EPS15L1: variants seen among roughly 807,000 people sequenced by gnomAD.
EPS15L1 encodes epidermal growth factor receptor pathway substrate 15 like 1.
Under a neutral mutation model 117.1 loss-of-function variants are expected in EPS15L1, and 43 were observed. The observed-to-expected ratio is 0.37, with a 90% confidence interval of 0.29 to 0.47. EPS15L1 has a LOEUF of 0.47. EPS15L1 is among the 20% of genes least tolerant of loss of function. The pLI, the probability that EPS15L1 is intolerant of heterozygous loss-of-function variation, is 0.99. For synonymous variants in EPS15L1, 459 were observed against 470.5 expected, an observed-to-expected ratio of 0.98 and a Z score of 0.32; for missense variants, 981 against 1,164.0, an observed-to-expected ratio of 0.84 and a Z score of 2.29.
At position 16,436,719 on chromosome 19, in the gene EPS15L1, G is replaced by A. The variant is rs16981270; in HGVS notation, c.372+218C>T. 5.7e-3 allele frequency: 2,641 copies of A among 460,400 alleles called. 50 individuals carry two copies. The highest frequency in any genetic ancestry group is 0.046 in the African/African-American group (2,315 of 50,810). 28.5% of individuals were successfully genotyped at this position (460,400 alleles called of 1,614,324 possible). On this transcript the variant is annotated intron_variant, in intron 6 of 23. Transcript: ENST00000455140. ...TCCAGGTAGGCAACTCCCAATTCCA[G>A]TGAAGGGCCACAGCCTTTGTAAAAG...
intron 21 of EPS15L1, among the ~76,000 whole-genome samples, chr19:16,380,734 T>C (rs1269030853): frequency 2.6e-5 from 4 of 152,240 alleles, no homozygotes; most frequent in Non-Finnish European, 5.9e-5. Context: ...GATGCGACTC[T>C]CTAGGTCTCT....
At chr19:16,382,090 A>AC (rs1391382889) in intron 21 of EPS15L1, among the ~76,000 whole-genome samples, 1 of 151,796 alleles carries the variant, frequency 6.6e-6, no homozygotes, top group Admixed American at 6.6e-5. Context: ...GAGCCGCCTA[A>AC]CCCTCCAGGC....
chr19:16,397,696 T>A (rs13344661), intron 16 of EPS15L1, among the ~76,000 whole-genome samples: 19,126 of 151,926 alleles, frequency 0.13, 1,299 homozygotes, highest in Non-Finnish European at 0.14. Context: ...ATTTTTTTTT[T>A]AAAGTGTGTA....
chr19:16,430,692 T>A (rs1046931477), intron 7 of EPS15L1, among the ~76,000 whole-genome samples: 3 of 152,138 alleles, frequency 2.0e-5, no homozygotes, highest in Non-Finnish European at 4.4e-5. Flanking sequence ...CTCTGAAAAA[T>A]GCTTACTGAA....
rs143071089 is a variant in EPS15L1 at position 16,361,801 on chromosome 19, G to A, written c.2564C>T (p.Ser855Leu). The A allele has an allele frequency of 6.8e-6, 11 of 1,613,672 alleles. No homozygotes were observed. Among genetic ancestry groups the A allele is most frequent in the African/African-American group, 2.7e-5 (2 of 74,904 alleles). Reference sequence around the variant, plus strand: ...TACAGAGGTGAAGTCTGCAAAGCCCGAGGCAGAGGCCTTAGAAGGTTTAGC... The same window carrying A: ...TACAGAGGTGAAGTCTGCAAAGCCCAAGGCAGAGGCCTTAGAAGGTTTAGC... ...SAAKPSKASASGFADFTSFGN... is the reference protein window; with the variant it reads ...SAAKPSKASALGFADFTSFGN... Residue 855 changes from serine (S) to leucine (L), a missense_variant, in exon 23 of 24, where the codon TCG becomes TTG. Physicochemically the swap from Ser to Leu is moderately radical, Grantham distance 145. Around this residue, in one of 5 missense-constraint regions of EPS15L1, gnomAD observed 819 missense variants for 949.0 expected, o/e 0.86. Transcript: ENST00000455140.
At chr19:16,442,651 C>T (rs996690375) in intron 1 of EPS15L1, among the ~76,000 whole-genome samples, 13 of 152,200 alleles carry the variant, frequency 8.5e-5, no homozygotes, top group African/African-American at 2.9e-4. Flanking sequence ...AAGCTTTCGA[C>T]CAGTTTCCCT....
intron 22 of EPS15L1, among the ~76,000 whole-genome samples, chr19:16,364,400 T>C (rs781468665): frequency 2.4e-4 from 36 of 152,248 alleles, no homozygotes; most frequent in Admixed American, 5.2e-4. Flanking sequence ...ACCCGAGCTT[T>C]CTAGGTGTCT....
At chr19:16,360,976 A>C (rs1568385483) in intron 23 of EPS15L1, among the ~76,000 whole-genome samples, 1 of 152,220 alleles carries the variant, frequency 6.6e-6, no homozygotes, top group Non-Finnish European at 1.5e-5. Flanking sequence ...TAGTGAAACC[A>C]ATTCTGGGAA....
At chr19:16,435,752 C>T (rs769982777) in intron 6 of EPS15L1, among the ~76,000 whole-genome samples, 1 of 152,024 alleles carries the variant, frequency 6.6e-6, no homozygotes, top group South Asian at 2.1e-4. Context: ...CTTGGCACTT[C>T]GGGCTTGTTC....
chr19:16,452,965 T>C (rs1168809852), intron 1 of EPS15L1, among the ~76,000 whole-genome samples: 1 of 151,776 alleles, frequency 6.6e-6, no homozygotes. Flanking sequence ...CCCAGCTAAT[T>C]TTTTTGTATT....
At position 16,395,441 on chromosome 19, in the gene EPS15L1, C is replaced by T; in HGVS notation, c.1818G>A (p.Leu606=). 6.2e-7 allele frequency: 1 copy of T among 1,613,702 alleles called. No individual in the cohort carries two copies. Among genetic ancestry groups the T allele is most frequent in the Non-Finnish European group, 8.5e-7 (1 of 1,179,700 alleles). The change falls in exon 17 of 24, where the codon TTG becomes TTA. Residue 606 remains leucine (L), a synonymous_variant. Coordinates refer to ENST00000455140, the MANE Select transcript of EPS15L1 (RefSeq NM_001258374.3). The part of the protein sequence containing the change: ...AMDDPFKNKA[L]LFSNNTQELH... ...ACTCTTGCGTGTTGTTGCTAAATAA[C>T]AAGGCTTTATTTTTGAAAGGATCAT...
intron 13 of EPS15L1, among the ~76,000 whole-genome samples, chr19:16,406,734 G>A (rs939150944): frequency 6.6e-6 from 1 of 152,344 alleles, no homozygotes; most frequent in African/African-American, 2.4e-5. Flanking sequence ...GCCAAAATGT[G>A]TACATCACAT....
intron 1 of EPS15L1, among the ~76,000 whole-genome samples, chr19:16,462,458 C>G (rs144224124): frequency 6.6e-6 from 1 of 152,122 alleles, no homozygotes; most frequent in African/African-American, 2.4e-5. Context: ...GCCAGGAGTT[C>G]GAGACCAGCC....
intron 16 of EPS15L1, 174 bp downstream of exon 16, chr19:16,402,147 T>C: frequency 7.2e-7 from 1 of 1,384,694 alleles, no homozygotes; most frequent in Admixed American, 3.4e-5. Flanking sequence ...TGGCCACCTG[T>C]GCCAGGCTGC....
In EPS15L1 at chr19:16,418,080, C is replaced by T. The variant is rs375758505; in HGVS notation, c.975G>A (p.Thr325=). ...CGAATTGGTCTTTGCTTAACTTCCC[C>T]GTTTGCCTCGTATCGGCCAGGGCCC... is the stretch of plus-strand genomic sequence containing the variant. ...HIWALADTRQ[T]GKLSKDQFAL... The change falls in exon 11 of 24, where the codon ACG becomes ACA. Residue 325 remains threonine (T), a synonymous_variant. Coordinates refer to ENST00000455140, the MANE Select transcript of EPS15L1 (RefSeq NM_001258374.3). The T allele has an allele frequency of 6.8e-6, 11 of 1,613,866 alleles. No individual in the cohort carries two copies. In the African/African-American group the frequency reaches 9.3e-5, roughly 14 times the overall value.
intron 16 of EPS15L1, among the ~76,000 whole-genome samples, chr19:16,399,519 A>G (rs1421531095): frequency 6.6e-6 from 1 of 152,190 alleles, no homozygotes; most frequent in African/African-American, 2.4e-5. Flanking sequence ...CCCGCCCTTT[A>G]GAGGAGTGCT....
intron 2 of EPS15L1, 92 bp from the exon 3 acceptor site, chr19:16,442,073 G>T (rs984450776): frequency 8.8e-6 from 13 of 1,475,344 alleles, no homozygotes; most frequent in Non-Finnish European, 3.8e-6. Context: ...CGCTGACAGT[G>T]AACAGAAAAG....
At chr19:16,437,138 A>G (rs965804202) in intron 5 of EPS15L1, 139 bp from the exon 6 acceptor site, 10 of 680,152 alleles carry the variant, frequency 1.5e-5, no homozygotes, top group Non-Finnish European at 2.3e-5. Flanking sequence ...GAATCACCAC[A>G]TGACCCAGCA....
intron 1 of EPS15L1, among the ~76,000 whole-genome samples, chr19:16,457,435 A>C (rs40171): frequency 0.092 from 13,958 of 152,118 alleles, 1,027 homozygotes; most frequent in East Asian, 0.25. Context: ...GTCCAGGGAG[A>C]CTCAGTCAAG....
Sources: gnomAD v4.1 joint callset for allele counts (sites outside exome capture counted in the v4.1 genomes callset) on GRCh38, gnomAD v4.1.1 for gene constraint, gnomAD v4.1.1 regional missense constraint, MANE v1.5 for transcripts, NCBI Gene and HGNC (gene_info 2026-07-23, HGNC 2026-07-21) for gene names.